GABRG2: variants seen among roughly 807,000 people sequenced by gnomAD.
GABRG2 encodes gamma-aminobutyric acid type A receptor subunit gamma2.
Under a neutral mutation model 56.4 loss-of-function variants are expected in GABRG2, and 16 were observed. That is an observed-to-expected ratio of 0.28 (90% CI 0.19 to 0.43). The LOEUF (loss-of-function observed/expected upper bound fraction) is 0.43, where lower values mean the gene tolerates loss of function less well. GABRG2 is among the 20% of genes least tolerant of loss of function. GABRG2 has a pLI of 1.00. For synonymous variants in GABRG2, 208 were observed against 205.5 expected (o/e 1.01, Z -0.10); for missense variants, 327 against 582.7 (o/e 0.56, Z 4.52).
chr5:162,151,796 A>G, intron 9 of GABRG2, 43 bp downstream of exon 9: 1 of 1,523,412 alleles, frequency 6.6e-7, no homozygotes, highest in Non-Finnish European at 9.1e-7. Flanking sequence ...TGCAACTGCT[A>G]AATTTAACTA....
Position 162,101,286 on chromosome 5 carries a change from T to C in GABRG2, c.600T>C (p.Asp200=). ...TACAATTGCACAACTTTCCAATGGA[T>C]GAACACTCCTGCCCCTTGGAGTTCT... is the stretch of plus-strand genomic sequence containing the variant. The part of the protein sequence containing the change: ...CQLQLHNFPM[D]EHSCPLEFSS... Residue 200 remains aspartate, a synonymous_variant, in exon 5 of 10, where the codon GAT becomes GAC. Transcript: ENST00000639213. 2.5e-6 allele frequency: 4 copies of C among 1,611,440 alleles called. No individual in the cohort carries two copies. The highest frequency in any genetic ancestry group is 3.4e-6 in the Non-Finnish European group (4 of 1,177,794).
At chr5:162,093,045 C>G (rs1303185239) in intron 1 of GABRG2, among the ~76,000 whole-genome samples, 2 of 152,022 alleles carry the variant, frequency 1.3e-5, no homozygotes, top group African/African-American at 4.8e-5. Flanking sequence ...AGCCCAATTG[C>G]TGAAAGGGTT....
chr5:162,068,997 T>C (rs979689983), intron 1 of GABRG2, among the ~76,000 whole-genome samples: 4 of 152,072 alleles, frequency 2.6e-5, no homozygotes, highest in Non-Finnish European at 5.9e-5. Context: ...AATCGTGAAG[T>C]ACACATTAAT....
At chr5:162,092,710 G>T (rs571389980) in intron 1 of GABRG2, among the ~76,000 whole-genome samples, 1 of 152,166 alleles carries the variant, frequency 6.6e-6, no homozygotes, top group East Asian at 1.9e-4. Context: ...TTTATTCAAG[G>T]TAAGTGTGGC....
intron 2 of GABRG2, among the ~76,000 whole-genome samples, chr5:162,094,948 G>A (rs1330234731): frequency 1.3e-5 from 2 of 152,044 alleles, no homozygotes; most frequent in Non-Finnish European, 2.9e-5. Context: ...AATCATCAGG[G>A]AAGATTAATT....
chr5:162,074,679 C>G (rs1354752401), intron 1 of GABRG2, among the ~76,000 whole-genome samples: 1 of 151,946 alleles, frequency 6.6e-6, no homozygotes, highest in Admixed American at 6.6e-5. Context: ...TTTGAAAACA[C>G]ACTTGAGATA....
intron 9 of GABRG2, chr5:162,152,831 T>C (rs1280049901): frequency 3.4e-6 from 2 of 594,702 alleles, no homozygotes; most frequent in East Asian, 2.8e-5. Flanking sequence ...TAACTTTGAG[T>C]TCTTTTGGTG....
Position 162,118,999 on chromosome 5 carries a change from G to A in GABRG2, c.769+14973G>A, listed in dbSNP as rs369196313. Among the ~76,000 whole-genome samples, 3 of 152,096 alleles carry A rather than the reference G, an allele frequency of 2.0e-5. No individual in the cohort carries two copies. The East Asian group carries it at 5.8e-4, about 29-fold the overall frequency. Reference sequence around the variant, plus strand: ...AAAAAGGGACTTGTAGCATTGGACTGTTTTGAAGTCCCCAGGGGCATTTGA... The same window carrying A: ...AAAAAGGGACTTGTAGCATTGGACTATTTTGAAGTCCCCAGGGGCATTTGA... On this transcript the variant is annotated intron_variant, in intron 6 of 9. Coordinates refer to ENST00000639213, the MANE Select transcript of GABRG2 (RefSeq NM_198904.4).
At chr5:162,114,519 C>T (rs1281080763) in intron 6 of GABRG2, among the ~76,000 whole-genome samples, 1 of 151,848 alleles carries the variant, frequency 6.6e-6, no homozygotes, top group Non-Finnish European at 1.5e-5. Flanking sequence ...GCCTAGGCAA[C>T]AAGAGCGAAA....
At chr5:162,144,164 G>T (rs1764785675) in intron 7 of GABRG2, among the ~76,000 whole-genome samples, 1 of 152,186 alleles carries the variant, frequency 6.6e-6, no homozygotes, top group East Asian at 1.9e-4. Context: ...TCATCAGAAT[G>T]TCAGTCTTGT....
At chr5:162,108,637 A>G (rs1312578434) in intron 6 of GABRG2, among the ~76,000 whole-genome samples, 21 of 152,156 alleles carry the variant, frequency 1.4e-4, no homozygotes, top group Admixed American at 1.4e-3. Context: ...TTTGCCATTT[A>G]CTAGTGGTGT....
chr5:162,110,297 G>A (rs556889817), intron 6 of GABRG2, among the ~76,000 whole-genome samples: 1 of 152,102 alleles, frequency 6.6e-6, no homozygotes, highest in South Asian at 2.1e-4. Context: ...TACGTGTTGG[G>A]CATCATTCTC....
chr5:162,115,765 A>C (rs1265520067), intron 6 of GABRG2, among the ~76,000 whole-genome samples: 2 of 152,112 alleles, frequency 1.3e-5, no homozygotes, highest in Non-Finnish European at 2.9e-5. Flanking sequence ...TTAATATCTT[A>C]ATTGTATAAA....
chr5:162,147,684 C>T (rs896087698), intron 7 of GABRG2, among the ~76,000 whole-genome samples: 3 of 152,056 alleles, frequency 2.0e-5, no homozygotes, highest in Non-Finnish European at 4.4e-5. Context: ...CGAAGTTTCC[C>T]TAGCACTTCC....
At chr5:162,072,725 T>G (rs903446929) in intron 1 of GABRG2, among the ~76,000 whole-genome samples, 25 of 151,678 alleles carry the variant, frequency 1.6e-4, no homozygotes, top group Admixed American at 1.2e-3. Context: ...ACAGACACAA[T>G]CCTGTGACTC....
intron 6 of GABRG2, among the ~76,000 whole-genome samples, chr5:162,137,667 C>T (rs1324567575): frequency 2.6e-5 from 4 of 152,162 alleles, no homozygotes; most frequent in South Asian, 2.1e-4. Flanking sequence ...TCAAATGTGG[C>T]GTTTTGCCCT....
intron 6 of GABRG2, among the ~76,000 whole-genome samples, chr5:162,105,939 A>G (rs2113384037): frequency 6.6e-6 from 1 of 151,976 alleles, no homozygotes; most frequent in South Asian, 2.1e-4. Flanking sequence ...TTATTCCAGC[A>G]CTCTAAAACA....
rs779917631 is a variant in GABRG2, at chr5:162,093,867, T to G, written c.147T>G (p.Tyr49Ter). The G allele has an allele frequency of 6.2e-7, 1 of 1,613,248 alleles. No homozygotes were observed. Among genetic ancestry groups the G allele is most frequent in the South Asian group, 1.1e-5 (1 of 91,082 alleles). The part of the protein sequence containing the change: ...SQKSDDDYED[Y>*]ASNKTWVLTP... ...AATCTGATGATGACTATGAAGATTA[T>G]GCTTCTAACAAAACATGGGTCTTGA... Residue 49 changes from tyrosine (Y) to a stop codon, truncating the protein, a stop_gained, in exon 2 of 10, where the codon TAT becomes TAG. Coordinates refer to ENST00000639213, the MANE Select transcript of GABRG2 (RefSeq NM_198904.4). LOFTEE classifies it high-confidence loss of function.
intron 6 of GABRG2, among the ~76,000 whole-genome samples, chr5:162,112,981 C>T (rs1268043749): frequency 1.3e-5 from 2 of 151,936 alleles, no homozygotes; most frequent in Non-Finnish European, 2.9e-5. Context: ...GAGACAGAGT[C>T]TCGCTCTGTT....
Sources: allele counts gnomAD v4.1 joint callset (sites outside exome capture counted in the v4.1 genomes callset), GRCh38; gene constraint gnomAD v4.1.1; transcripts MANE v1.5; gene names NCBI Gene and HGNC (gene_info 2026-07-23, HGNC 2026-07-21).